Variants in CSGALNACT2 observed in about 807,000 individuals in gnomAD.
CSGALNACT2 encodes chondroitin sulfate N-acetylgalactosaminyltransferase 2, also known as beta 4 GalNAcT-2.
Under a neutral mutation model 55.3 loss-of-function variants are expected in CSGALNACT2, and 35 were observed. The observed-to-expected ratio is 0.63, with a 90% confidence interval of 0.48 to 0.84. CSGALNACT2 has a LOEUF of 0.84. CSGALNACT2 is among the 40% of genes least tolerant of loss of function. CSGALNACT2 has a pLI of 0.00. For missense variants in CSGALNACT2, 544 were observed against 657.5 expected (o/e 0.83, Z 1.89); for synonymous variants, 196 against 224.9 (o/e 0.87, Z 1.15).
At chr10:43,160,630 A>G in intron 4 of CSGALNACT2, 35 bp downstream of exon 4, 1 of 858,852 alleles carries the variant, frequency 1.2e-6, no homozygotes, top group South Asian at 1.4e-5. Flanking sequence ...AGGCCTTGAT[A>G]TATAACATTG....
chr10:43,154,287 A>AAT (rs1364416782), intron 1 of CSGALNACT2, among the ~76,000 whole-genome samples: 1 of 152,260 alleles, frequency 6.6e-6, no homozygotes, highest in Non-Finnish European at 1.5e-5. Flanking sequence ...AGTTATAGGC[A>AAT]ATATAATTTT....
chr10:43,178,263 T>C (rs1281981581), intron 7 of CSGALNACT2, among the ~76,000 whole-genome samples: 1 of 152,240 alleles, frequency 6.6e-6, no homozygotes, highest in Non-Finnish European at 1.5e-5. Flanking sequence ...TATGTAAATA[T>C]ACATATTTTC....
At chr10:43,172,817 G>T (rs1294607611) in intron 6 of CSGALNACT2, among the ~76,000 whole-genome samples, 1 of 152,216 alleles carries the variant, frequency 6.6e-6, no homozygotes, top group Non-Finnish European at 1.5e-5. Context: ...CGTGGTTTCT[G>T]TGGCTTGTTT....
chr10:43,175,101 G>A (rs980475117), intron 6 of CSGALNACT2, among the ~76,000 whole-genome samples: 4 of 152,194 alleles, frequency 2.6e-5, no homozygotes, highest in African/African-American at 9.7e-5. Context: ...TGCACTAGAG[G>A]TCAACAAATG....
chr10:43,160,628 A>G lies in CSGALNACT2; in HGVS notation c.980+33A>G, dbSNP rs778963845. 3 of 858,582 alleles carry G rather than the reference A, an allele frequency of 3.5e-6. No individual in the cohort carries two copies. The African/African-American group carries it at 5.0e-5, about 14-fold the overall frequency. The allele number at this position is 858,582 out of a possible 1,614,324, so 53.2% of individuals were successfully genotyped here. On this transcript the variant is annotated intron_variant, in intron 4 of 7. Transcript: ENST00000374466. ...AACCACATCTGCAGTGAAGGCCTTG[A>G]TATATAACATTGCTAAAAGAGAATT...
intron 6 of CSGALNACT2, among the ~76,000 whole-genome samples, chr10:43,174,581 C>T (rs1203324911): frequency 1.3e-5 from 2 of 152,162 alleles, no homozygotes; most frequent in African/African-American, 4.8e-5. Flanking sequence ...CTTCACTCCC[C>T]ACTCCTGCCC....
intron 1 of CSGALNACT2, among the ~76,000 whole-genome samples, chr10:43,141,936 G>A (rs1328465267): frequency 2.0e-5 from 3 of 152,174 alleles, no homozygotes; most frequent in African/African-American, 7.2e-5. Context: ...CCTTTTCTGA[G>A]AGCTTATGGA....
intron 6 of CSGALNACT2, among the ~76,000 whole-genome samples, chr10:43,170,530 C>G (rs1014064585): frequency 6.6e-6 from 1 of 152,056 alleles, no homozygotes; most frequent in African/African-American, 2.4e-5. Flanking sequence ...GATTATAACC[C>G]AAAGCATCAA....
chr10:43,163,406 G>A, intron 4 of CSGALNACT2: 4 of 645,830 alleles, frequency 6.2e-6, no homozygotes, highest in Non-Finnish European at 7.7e-6. Context: ...AGAGGATGGA[G>A]ATGAAGGAGT....
In CSGALNACT2 at chr10:43,176,025, G is replaced by A. The variant is rs1299420063; in HGVS notation, c.1329G>A (p.Leu443=). 2 of 1,607,334 alleles carry A rather than the reference G, an allele frequency of 1.2e-6. No individual in the cohort carries two copies. Among genetic ancestry groups the A allele is most frequent in the Admixed American group, 1.7e-5 (1 of 58,792 alleles). Residue 443 remains leucine, a synonymous_variant, in exon 7 of 8, where the codon CTG becomes CTA. Coordinates refer to ENST00000374466, the MANE Select transcript of CSGALNACT2 (RefSeq NM_018590.5). ...CTTGTCAGTATCGTTCAGATTTCCT[G>A]ACCATTGGTAAGTATACTTTACATT... The part of the protein sequence containing the change: ...GMTCQYRSDF[L]TIGGFDMEVK...
At chr10:43,139,752 A>G (rs1407155187) in intron 1 of CSGALNACT2, among the ~76,000 whole-genome samples, 1 of 152,218 alleles carries the variant, frequency 6.6e-6, no homozygotes, top group Non-Finnish European at 1.5e-5. Context: ...ATCACGTAGT[A>G]TTCTCAGCAT....
At chr10:43,145,462 C>A (rs115239678) in intron 1 of CSGALNACT2, among the ~76,000 whole-genome samples, 2,596 of 126,430 alleles carry the variant, frequency 0.021, 77 homozygotes, top group African/African-American at 0.074. Context: ...TGCTTTGGTG[C>A]GATCGTAGCT....
intron 6 of CSGALNACT2, among the ~76,000 whole-genome samples, chr10:43,170,227 G>C (rs1000348099): frequency 1.3e-5 from 2 of 152,166 alleles, no homozygotes; most frequent in Non-Finnish European, 1.5e-5. Context: ...AGCTGAGAGG[G>C]CCTAGAACCA....
chr10:43,180,107 T>C (rs1283487100), intron 7 of CSGALNACT2, among the ~76,000 whole-genome samples: 2 of 152,180 alleles, frequency 1.3e-5, no homozygotes, highest in African/African-American at 4.8e-5. Flanking sequence ...TATTCTCAGC[T>C]GGCCACACCT....
intron 6 of CSGALNACT2, among the ~76,000 whole-genome samples, chr10:43,168,528 C>T (rs914743061): frequency 2.0e-5 from 3 of 151,906 alleles, no homozygotes; most frequent in Non-Finnish European, 4.4e-5. Context: ...AAAAAGTTAC[C>T]CTGTAGGTAT....
rs117676438 is a variant in CSGALNACT2 at position 43,179,467 on chromosome 10, C to T, written c.1336+3435C>T. Among the ~76,000 whole-genome samples the T allele has an allele frequency of 8.0e-3, 1,209 of 152,032 alleles. 10 individuals carry two copies. The highest frequency in any genetic ancestry group is 0.011 in the East Asian group (56 of 5,188). On this transcript the variant is annotated intron_variant, in intron 7 of 7. Transcript: ENST00000374466. ...AAATTATTTCTTCCTCCTTCCCCGA[C>T]CTTTTGGCAATATGAAGCCTCTGCT...
At chr10:43,154,184 G>C (rs1251534026) in intron 1 of CSGALNACT2, among the ~76,000 whole-genome samples, 1 of 152,148 alleles carries the variant, frequency 6.6e-6, no homozygotes, top group Non-Finnish European at 1.5e-5. Flanking sequence ...CGTTATTACT[G>C]TAACAGAAAC....
At chr10:43,180,964 A>G (rs772636682) in intron 7 of CSGALNACT2, among the ~76,000 whole-genome samples, 2 of 152,210 alleles carry the variant, frequency 1.3e-5, no homozygotes, top group Non-Finnish European at 2.9e-5. Context: ...ACTTCTCCTA[A>G]GGACAGGCTT....
At chr10:43,144,494 G>C (rs1171792617) in intron 1 of CSGALNACT2, among the ~76,000 whole-genome samples, 2 of 152,146 alleles carry the variant, frequency 1.3e-5, no homozygotes, top group Non-Finnish European at 2.9e-5. Context: ...GAGATGAGGG[G>C]CTTAGTTTTG....
Sources: allele counts gnomAD v4.1 joint callset (sites outside exome capture counted in the v4.1 genomes callset), GRCh38; gene constraint gnomAD v4.1.1; transcripts MANE v1.5; gene names NCBI Gene and HGNC (gene_info 2026-07-23, HGNC 2026-07-21).